The following FSTL5 variants were observed in gnomAD, a reference collection of about 807,000 sequenced individuals.
The protein encoded by FSTL5 is follistatin like 5.
Under a neutral mutation model 89.1 loss-of-function variants are expected in FSTL5, and 62 were observed. The observed-to-expected ratio is 0.70, with a 90% CI of 0.57 to 0.86. FSTL5 has a LOEUF of 0.86. Ranked by LOEUF, FSTL5 falls within the 40% of genes least tolerant of loss-of-function variation. FSTL5 has a pLI of 0.00. For synonymous variants in FSTL5, 383 were observed against 346.2 expected, an observed-to-expected ratio of 1.11 and a Z score of -1.18; for missense variants, 1,057 against 1,001.6, an observed-to-expected ratio of 1.06 and a Z score of -0.75.
At chr4:161,762,139 C>T (rs943013062) in intron 5 of FSTL5, among the ~76,000 whole-genome samples, 25 of 152,002 alleles carry the variant, frequency 1.6e-4, no homozygotes, top group African/African-American at 5.8e-4. Flanking sequence ...TTTAGGTACC[C>T]AGAATTTTTG....
At chr4:161,938,519 A>G (rs1734493294) in intron 3 of FSTL5, among the ~76,000 whole-genome samples, 1 of 152,048 alleles carries the variant, frequency 6.6e-6, no homozygotes, top group African/African-American at 2.4e-5. Flanking sequence ...TTCTATGAGA[A>G]ATATTACGCA....
intron 4 of FSTL5, among the ~76,000 whole-genome samples, chr4:161,779,759 T>TTATATATATATATATA (rs1240577419): frequency 3.8e-4 from 12 of 31,180 alleles, no homozygotes; most frequent in African/African-American, 6.4e-4. Context: ...ATTTGTAAAG[T>TTATATATATATATATA]TATATATATA....
At chr4:162,080,149 C>T (rs186186069) in intron 2 of FSTL5, among the ~76,000 whole-genome samples, 4 of 151,774 alleles carry the variant, frequency 2.6e-5, no homozygotes, top group Admixed American at 2.6e-4. Context: ...CTTGAAACAA[C>T]ATAGTACTGA....
chr4:162,135,889 A>C (rs1045884957), intron 1 of FSTL5, among the ~76,000 whole-genome samples: 1 of 151,606 alleles, frequency 6.6e-6, no homozygotes, highest in African/African-American at 2.4e-5. Context: ...AATCTCTTTC[A>C]TTTTTCTTTT....
intron 5 of FSTL5, among the ~76,000 whole-genome samples, chr4:161,769,016 C>T (rs1741114221): frequency 1.3e-5 from 2 of 151,816 alleles, no homozygotes; most frequent in Non-Finnish European, 1.5e-5. Flanking sequence ...GACATTAAAA[C>T]TGATACTACA....
intron 7 of FSTL5, among the ~76,000 whole-genome samples, chr4:161,594,098 T>G (rs2126614993): frequency 6.6e-6 from 1 of 152,152 alleles, no homozygotes; most frequent in Non-Finnish European, 1.5e-5. Context: ...AAAAAATAAT[T>G]ACCGATGGCC....
intron 8 of FSTL5, among the ~76,000 whole-genome samples, chr4:161,582,088 G>C (rs1340920871): frequency 6.6e-6 from 1 of 152,206 alleles, no homozygotes; most frequent in East Asian, 1.9e-4. Context: ...AAAAGGAACA[G>C]GGCTATAGAT....
At chr4:161,775,605 T>C (rs1055545634) in intron 5 of FSTL5, among the ~76,000 whole-genome samples, 4 of 152,178 alleles carry the variant, frequency 2.6e-5, no homozygotes, top group Admixed American at 6.5e-5. Context: ...TTCTACAAGA[T>C]AAAGAACTTG....
intron 7 of FSTL5, among the ~76,000 whole-genome samples, chr4:161,594,028 T>C (rs1489607795): frequency 6.6e-6 from 1 of 152,066 alleles, no homozygotes; most frequent in Non-Finnish European, 1.5e-5. Context: ...AGCCAAACTT[T>C]TGTAGAAATT....
chr4:162,132,458 C>T (rs998573809), intron 1 of FSTL5, among the ~76,000 whole-genome samples: 2 of 152,030 alleles, frequency 1.3e-5, no homozygotes, highest in Non-Finnish European at 2.9e-5. Flanking sequence ...GAAGAAACTC[C>T]GAACACATCG....
chr4:161,512,098 A>G (rs1488133879), intron 10 of FSTL5, among the ~76,000 whole-genome samples: 3 of 152,124 alleles, frequency 2.0e-5, no homozygotes, highest in Non-Finnish European at 4.4e-5. Flanking sequence ...TATTCATGAT[A>G]AAATCAAGTA....
chr4:162,056,454 GA>G (rs1408231748), intron 2 of FSTL5, among the ~76,000 whole-genome samples: 1 of 151,152 alleles, frequency 6.6e-6, no homozygotes, highest in African/African-American at 2.5e-5. Flanking sequence ...CTGTACACTT[GA>G]AAAAATGTAT....
chr4:161,566,115 TATATATATATATATATATATAC>T (rs1732801080), intron 8 of FSTL5, among the ~76,000 whole-genome samples: 1 of 97,676 alleles, frequency 1.0e-5, no homozygotes, highest in Non-Finnish European at 2.1e-5. Context: ...TATATATATA[TATATATATATATATATATATAC>T]ACACACACAC....
chr4:161,946,480 G>T (rs1261894296), intron 3 of FSTL5, among the ~76,000 whole-genome samples: 1 of 152,186 alleles, frequency 6.6e-6, no homozygotes, highest in South Asian at 2.1e-4. Flanking sequence ...CATCAAGGAT[G>T]CCTTCAGGTG....
At chr4:162,062,669 A>G (rs1260041216) in intron 2 of FSTL5, among the ~76,000 whole-genome samples, 1 of 151,064 alleles carries the variant, frequency 6.6e-6, no homozygotes, top group Non-Finnish European at 1.5e-5. Context: ...TATCTTTCTC[A>G]TATTTCCAGT....
At chr4:161,669,247 G>A (rs910207596) in intron 6 of FSTL5, among the ~76,000 whole-genome samples, 1 of 151,886 alleles carries the variant, frequency 6.6e-6, no homozygotes, top group African/African-American at 2.4e-5. Context: ...TAAATTTAAT[G>A]CAATCCCAGT....
At chr4:161,778,767 G>A (rs1374577082) in intron 4 of FSTL5, among the ~76,000 whole-genome samples, 1 of 152,200 alleles carries the variant, frequency 6.6e-6, no homozygotes, top group East Asian at 1.9e-4. Context: ...AATCAAATCC[G>A]TAGCCATTGC....
At chr4:162,073,866 G>A (rs4145645) in intron 2 of FSTL5, among the ~76,000 whole-genome samples, 4,311 of 151,706 alleles carry the variant, frequency 0.028, 147 homozygotes, top group East Asian at 0.086. Context: ...AGATGCTGTC[G>A]TTAACATCCT....
intron 6 of FSTL5, among the ~76,000 whole-genome samples, chr4:161,669,123 A>AAAAATAAAAT (rs1553956606): frequency 2.8e-5 from 4 of 144,160 alleles, no homozygotes; most frequent in African/African-American, 7.7e-5. Context: ...AAAAAAAAAA[A>AAAAATAAAAT]AAAATAAAAT....
Sources: gnomAD v4.1 joint callset for allele counts (sites outside exome capture counted in the v4.1 genomes callset) on GRCh38, gnomAD v4.1.1 for gene constraint, MANE v1.5 for transcripts, NCBI Gene and HGNC (gene_info 2026-07-23, HGNC 2026-07-21) for gene names.